Variants in ATP2B2 observed in about 807,000 individuals in gnomAD.
The protein encoded by ATP2B2 is plasma membrane calcium-transporting ATPase 2.
ATP2B2 carries 15 observed loss-of-function variants against 120.0 expected under a neutral mutation model. That is an observed-to-expected ratio of 0.12 (90% CI 0.08 to 0.19). ATP2B2 has a LOEUF of 0.19. ATP2B2 is among the 10% of genes least tolerant of loss of function. The pLI, the probability that ATP2B2 is intolerant of heterozygous loss-of-function variation, is 1.00. For missense variants in ATP2B2, 1,045 were observed against 1,719.8 expected, an observed-to-expected ratio of 0.61 and a Z score of 6.94; for synonymous variants, 694 against 700.3, an observed-to-expected ratio of 0.99 and a Z score of 0.14.
intron 8 of ATP2B2, among the ~76,000 whole-genome samples, chr3:10,380,156 C>A (rs1310311954): frequency 2.0e-5 from 3 of 152,216 alleles, no homozygotes; most frequent in African/African-American, 7.2e-5. Context: ...TCTGGCTGCC[C>A]CCCACCGACT....
At chr3:10,644,393 G>A (rs1478330683) in intron 1 of ATP2B2, among the ~76,000 whole-genome samples, 2 of 152,194 alleles carry the variant, frequency 1.3e-5, no homozygotes, top group African/African-American at 4.8e-5. Context: ...ATCTGACTCA[G>A]CAATTCCACT....
intron 2 of ATP2B2, among the ~76,000 whole-genome samples, chr3:10,433,739 G>T (rs2063393380): frequency 6.6e-6 from 1 of 152,172 alleles, no homozygotes; most frequent in African/African-American, 2.4e-5. Flanking sequence ...ATCCATGGAA[G>T]GTAGTTCCTA....
chr3:10,538,576 G>A (rs1041734766), intron 2 of ATP2B2, among the ~76,000 whole-genome samples: 4 of 152,174 alleles, frequency 2.6e-5, no homozygotes, highest in African/African-American at 4.8e-5. Flanking sequence ...TTCAACATAC[G>A]CAAATCAATA....
At chr3:10,639,824 T>C (rs1258899838) in intron 1 of ATP2B2, among the ~76,000 whole-genome samples, 2 of 152,200 alleles carry the variant, frequency 1.3e-5, no homozygotes, top group African/African-American at 2.4e-5. Context: ...TGCCACCTTC[T>C]AGTCTCCTGC....
Position 10,388,377 on chromosome 3 carries a change from T to C in ATP2B2, c.807A>G (p.Gly269=), listed in dbSNP as rs1273534894. 1 of 1,614,114 alleles carries C rather than the reference T, an allele frequency of 6.2e-7. No individual in the cohort carries two copies. Among genetic ancestry groups the C allele is most frequent in the East Asian group, 2.2e-5 (1 of 44,878 alleles). Residue 269 remains glycine, a synonymous_variant, in exon 6 of 23, where the codon GGA becomes GGG. Transcript: ENST00000360273. ...LSGTHVMEGS[G]RMLVTAVGVN... ...CACCCACAGCAGTCACCAACATCCG[T>C]CCTGAGCCCTCCATCACGTGGGTTC... is the stretch of plus-strand genomic sequence containing the variant.
intron 3 of ATP2B2, among the ~76,000 whole-genome samples, chr3:10,512,464 G>GCGCGCGCACACACACACACACACACA (rs749056818): frequency 7.3e-6 from 1 of 136,926 alleles, no homozygotes; most frequent in African/African-American, 2.9e-5. Context: ...AAGTGTGTGC[G>GCGCGCGCACACACACACACACACACA]CACACACACA....
rs1009333209 is a variant in ATP2B2, at chr3:10,480,063, T to A, written c.-320+25402A>T. Among the ~76,000 whole-genome samples the A allele has an allele frequency of 1.5e-4, 23 of 152,280 alleles. 1 individual carries two copies. Among genetic ancestry groups the A allele is most frequent in the African/African-American group, 4.8e-4 (20 of 41,572 alleles). ...GTGAGCCATGATTGTGCCATTGCAC[T>A]CCAGAGCCTGGGTGACAGAGTGAGA... On this transcript the variant is annotated intron_variant, in intron 1 of 22. Transcript: ENST00000360273.
chr3:10,672,821 G>A (rs2071133841), intron 1 of ATP2B2, among the ~76,000 whole-genome samples: 1 of 152,180 alleles, frequency 6.6e-6, no homozygotes, highest in African/African-American at 2.4e-5. Flanking sequence ...GAAGCCAAAG[G>A]GCTTTCTCTA....
chr3:10,331,843 T>C, intron 22 of ATP2B2: 1 of 758,498 alleles, frequency 1.3e-6, no homozygotes. Flanking sequence ...CCATGCCCGT[T>C]GTCAGAGGGC....
intron 1 of ATP2B2, among the ~76,000 whole-genome samples, chr3:10,477,037 C>T (rs1173371399): frequency 2.6e-5 from 4 of 152,196 alleles, no homozygotes; most frequent in Admixed American, 6.5e-5. Context: ...CTGAGGTAGG[C>T]TCCAAATGCA....
chr3:10,671,282 T>A (rs2071089386), intron 1 of ATP2B2, among the ~76,000 whole-genome samples: 1 of 152,332 alleles, frequency 6.6e-6, no homozygotes, highest in African/African-American at 2.4e-5. Flanking sequence ...TCCGGAGAAC[T>A]GGTTCCAGTT....
chr3:10,630,637 A>G lies in ATP2B2; in HGVS notation c.-459-10676T>C, dbSNP rs976487483. On this transcript the variant is annotated intron_variant, in intron 1 of 21. Coordinates refer to the ATP2B2 transcript ENST00000646379. Reference sequence around the variant, plus strand: ...GTAACACAGCTTTATGATCCTGCATATTTAATTTTCCAGAGCCCCAGTTTC... The same window carrying G: ...GTAACACAGCTTTATGATCCTGCATGTTTAATTTTCCAGAGCCCCAGTTTC... 2.6e-5 allele frequency among the ~76,000 whole-genome samples: 4 copies of G among 152,120 alleles called. No homozygotes were observed. In the South Asian group the frequency reaches 6.2e-4, roughly 24 times the overall value.
At chr3:10,623,859 T>G (rs550415363) in intron 1 of ATP2B2, among the ~76,000 whole-genome samples, 4 of 152,188 alleles carry the variant, frequency 2.6e-5, no homozygotes, top group Non-Finnish European at 5.9e-5. Flanking sequence ...CAACATGCCC[T>G]AAACAGCCTG....
intron 5 of ATP2B2, among the ~76,000 whole-genome samples, chr3:10,398,509 G>A (rs9852509): frequency 0.35 from 53,292 of 152,080 alleles, 10,146 homozygotes; most frequent in East Asian, 0.68. Context: ...CAAAACCAAT[G>A]CTGACCCCAG....
chr3:10,606,453 G>C (rs970974349), intron 2 of ATP2B2, among the ~76,000 whole-genome samples: 2 of 152,108 alleles, frequency 1.3e-5, no homozygotes, highest in African/African-American at 4.8e-5. Flanking sequence ...TGACCAGGGG[G>C]GTGGAGTTAA....
rs972925848 is a variant in ATP2B2 at position 10,505,494 on chromosome 3, A to C, written c.-349T>G. On this transcript the variant is annotated 5_prime_UTR_variant, in exon 1 of 23. Transcript: ENST00000360273. ...CTATGAAAATCACCACCAATCCTGC[A>C]CGGTTTCCCGGCGGGCAGCCCCGTA... 2 of 150,092 alleles carry C rather than the reference A, an allele frequency of 1.3e-5. No homozygotes were observed. Among genetic ancestry groups the C allele is most frequent in the Admixed American group, 6.6e-5 (1 of 15,112 alleles). 9.3% of individuals were successfully genotyped at this position (150,092 alleles called of 1,614,324 possible). A position where few individuals can be genotyped will look rare whatever the true frequency, so the allele number is the denominator to read the frequency against.
At chr3:10,585,368 G>C (rs764681565) in intron 2 of ATP2B2, among the ~76,000 whole-genome samples, 21 of 151,732 alleles carry the variant, frequency 1.4e-4, no homozygotes, top group Admixed American at 9.2e-4. Context: ...GATGGTGGGC[G>C]CCTGTAGTCC....
At chr3:10,613,135 C>T (rs1006745945) in intron 2 of ATP2B2, among the ~76,000 whole-genome samples, 3 of 152,122 alleles carry the variant, frequency 2.0e-5, no homozygotes, top group African/African-American at 7.2e-5. Flanking sequence ...CTCTGGACAC[C>T]AAAGCTCAGT....
At chr3:10,469,952 G>T (rs62238410) in intron 1 of ATP2B2, among the ~76,000 whole-genome samples, 272 of 152,238 alleles carry the variant, frequency 1.8e-3, no homozygotes, top group Non-Finnish European at 3.3e-3. Flanking sequence ...TCAGATTTCA[G>T]GAGCCCAGAC....
Sources: gnomAD v4.1 joint callset for allele counts (sites outside exome capture counted in the v4.1 genomes callset) on GRCh38, gnomAD v4.1.1 for gene constraint, MANE v1.5 for transcripts, NCBI Gene and HGNC (gene_info 2026-07-23, HGNC 2026-07-21) for gene names.